CEMIP: variants seen among roughly 807,000 people sequenced by gnomAD.
CEMIP encodes the protein cell migration-inducing and hyaluronan-binding protein.
CEMIP carries 105 observed loss-of-function variants against 156.9 expected under a neutral mutation model. That is an observed-to-expected ratio of 0.67 (90% CI 0.57 to 0.79). CEMIP has a LOEUF of 0.79. CEMIP is among the 30% of genes least tolerant of loss of function. The pLI, the probability that CEMIP is intolerant of heterozygous loss-of-function variation, is 0.00. For synonymous variants in CEMIP, 676 were observed against 668.4 expected (o/e 1.01, Z -0.17); for missense variants, 1,457 against 1,769.4 (o/e 0.82, Z 3.17).
chr15:80,869,863 T>G (rs1239110832), intron 1 of CEMIP, among the ~76,000 whole-genome samples: 1 of 152,162 alleles, frequency 6.6e-6, no homozygotes, highest in Non-Finnish European at 1.5e-5. Flanking sequence ...AGAGATTGAA[T>G]GGGCTGCCAG....
chr15:80,880,978 G>A lies in CEMIP; in HGVS notation c.459G>A (p.Leu153=). 1 of 1,614,224 alleles carries A rather than the reference G, an allele frequency of 6.2e-7. No individual in the cohort carries two copies. The highest frequency in any genetic ancestry group is 1.1e-5 in the South Asian group (1 of 91,088). The change falls in exon 6 of 30, where the codon TTG becomes TTA. Residue 153 remains leucine, a synonymous_variant. Coordinates refer to ENST00000394685, the MANE Select transcript of CEMIP (RefSeq NM_001293298.2). ...TTGGTAAAGGAGGCGCTCTTGAGTTGCATGGACAGAAAAAGCTCTCCTGGA... is the reference window on the plus strand; with the variant it reads ...TTGGTAAAGGAGGCGCTCTTGAGTTACATGGACAGAAAAAGCTCTCCTGGA... The part of the protein sequence containing the change: ...IGVGKGGALE[L]HGQKKLSWTF...
Position 80,929,216 on chromosome 15 carries a change from A to C in CEMIP, c.2612+42A>C, listed in dbSNP as rs751750767. The C allele has an allele frequency of 2.5e-6, 4 of 1,612,734 alleles. No homozygotes were observed. The African/African-American group carries it at 5.3e-5, about 22-fold the overall frequency. The stretch of plus-strand genomic sequence containing the variant: ...GTAGCTCCTTATTCTGAGTGGCTTA[A>C]CCTAAGTGGCTGTGATGGAAGGGAA... On this transcript the variant is annotated intron_variant, in intron 21 of 29. Coordinates refer to ENST00000394685, the MANE Select transcript of CEMIP (RefSeq NM_001293298.2).
At chr15:80,844,694 A>G (rs1897511696) in intron 1 of CEMIP, among the ~76,000 whole-genome samples, 1 of 152,210 alleles carries the variant, frequency 6.6e-6, no homozygotes, top group Non-Finnish European at 1.5e-5. Context: ...TTCAGGGCCT[A>G]CCATCCCCAA....
rs1901713616 is a variant in CEMIP at position 80,949,247 on chromosome 15, T to C, written c.*323T>C. 2 of 405,700 alleles carry C rather than the reference T, an allele frequency of 4.9e-6. No homozygotes were observed. Among genetic ancestry groups the C allele is most frequent in the Admixed American group, 7.2e-5 (2 of 27,916 alleles). 25.1% of individuals were successfully genotyped at this position (405,700 alleles called of 1,614,324 possible). A position where few individuals can be genotyped will look rare whatever the true frequency, so the allele number is the denominator to read the frequency against. ...CCATATCAGGAGACCTGGGTTGTGC[T>C]GACAGCAAAGATCCACTTTGGCAGG... On this transcript the variant is annotated 3_prime_UTR_variant, in exon 30 of 30. Coordinates refer to ENST00000394685, the MANE Select transcript of CEMIP (RefSeq NM_001293298.2).
rs377578871 is a variant in CEMIP, at chr15:80,888,767, A to T, written c.935A>T (p.Asn312Ile). 6.2e-7 allele frequency: 1 copy of T among 1,614,124 alleles called. No individual in the cohort carries two copies. Among genetic ancestry groups the T allele is most frequent in the Non-Finnish European group, 8.5e-7 (1 of 1,179,998 alleles). ...LFQTEHGEYFNVSLSSEWVQD... is the reference protein window; with the variant it reads ...LFQTEHGEYFIVSLSSEWVQD... Reference sequence around the variant, plus strand: ...CAGACAGAGCATGGCGAATATTTCAATGTTTCTTTGTCCAGTGAGTGGGTT... The same window carrying T: ...CAGACAGAGCATGGCGAATATTTCATTGTTTCTTTGTCCAGTGAGTGGGTT... The change falls in exon 9 of 30, where the codon AAT (asparagine) becomes ATT (isoleucine). Residue 312 changes from asparagine (N) to isoleucine (I), a missense_variant. Transcript: ENST00000394685.
intron 23 of CEMIP, among the ~76,000 whole-genome samples, chr15:80,935,256 G>A (rs1901076166): frequency 6.6e-6 from 1 of 152,144 alleles, no homozygotes; most frequent in South Asian, 2.1e-4. Flanking sequence ...GTCATGTCCT[G>A]AATAATTGAA....
intron 12 of CEMIP, among the ~76,000 whole-genome samples, chr15:80,896,525 G>T (rs1899230514): frequency 6.6e-6 from 1 of 152,174 alleles, no homozygotes; most frequent in Admixed American, 6.5e-5. Flanking sequence ...GTGAATATTT[G>T]TTAGACAGTT....
chr15:80,871,209 C>T (rs955426193), intron 1 of CEMIP, among the ~76,000 whole-genome samples: 6 of 152,248 alleles, frequency 3.9e-5, no homozygotes, highest in African/African-American at 1.4e-4. Flanking sequence ...TGTCTTCAGG[C>T]ACTGGAAGCC....
At chr15:80,809,859 A>G (rs1896614204) in intron 1 of CEMIP, among the ~76,000 whole-genome samples, 3 of 152,370 alleles carry the variant, frequency 2.0e-5, no homozygotes, top group African/African-American at 4.8e-5. Flanking sequence ...ACAATTGTGC[A>G]GCAAATATTG....
chr15:80,830,600 G>A (rs1035276896), intron 1 of CEMIP, among the ~76,000 whole-genome samples: 76 of 152,346 alleles, frequency 5.0e-4, no homozygotes, highest in African/African-American at 1.8e-3. Context: ...GTTGCCGGGG[G>A]ATGAACGTCT....
chr15:80,928,992 C>T lies in CEMIP; in HGVS notation c.2457-27C>T, dbSNP rs564110808. 7 of 1,614,234 alleles carry T rather than the reference C, an allele frequency of 4.3e-6. No homozygotes were observed. The East Asian group carries it at 1.6e-4, about 36-fold the overall frequency. Reference sequence around the variant, plus strand: ...TCTGTGGGATCTTGTCTCTGGGCATCTCACCTTAAACATCTTCTCTCTACA... The same window carrying T: ...TCTGTGGGATCTTGTCTCTGGGCATTTCACCTTAAACATCTTCTCTCTACA... On this transcript the variant is annotated intron_variant, in intron 20 of 29. Transcript: ENST00000394685.
chr15:80,934,035 G>A (rs1456223882), intron 23 of CEMIP, among the ~76,000 whole-genome samples: 1 of 151,968 alleles, frequency 6.6e-6, no homozygotes, highest in African/African-American at 2.4e-5. Flanking sequence ...TTTTTTCTAA[G>A]TCTTCAAAGT....
intron 1 of CEMIP, among the ~76,000 whole-genome samples, chr15:80,856,226 A>G (rs1897849568): frequency 6.6e-6 from 1 of 152,240 alleles, no homozygotes; most frequent in Admixed American, 6.5e-5. Context: ...TCAAAACTCA[A>G]CAAGTGTGCA....
At chr15:80,908,185 A>G (rs1039332113) in intron 13 of CEMIP, among the ~76,000 whole-genome samples, 1 of 152,198 alleles carries the variant, frequency 6.6e-6, no homozygotes, top group African/African-American at 2.4e-5. Context: ...TAGTGATACT[A>G]AAGCAGAAAT....
At chr15:80,787,979 C>T (rs1895982151) in intron 1 of CEMIP, among the ~76,000 whole-genome samples, 3 of 152,182 alleles carry the variant, frequency 2.0e-5, no homozygotes, top group Admixed American at 2.0e-4. Flanking sequence ...TCTTGTCATG[C>T]CGTGAGGGAC....
chr15:80,881,967 T>TGCCC (rs1408262042), intron 6 of CEMIP, among the ~76,000 whole-genome samples: 3 of 152,162 alleles, frequency 2.0e-5, no homozygotes, highest in African/African-American at 4.8e-5. Context: ...AGGCTGGACC[T>TGCCC]GCCCTGCAGT....
intron 23 of CEMIP, 109 bp from the exon 24 acceptor site, chr15:80,936,565 A>T: frequency 1.0e-6 from 1 of 969,856 alleles, no homozygotes; most frequent in Non-Finnish European, 1.7e-6. Context: ...GGTTCTGTAA[A>T]GAGAAAGTGC....
Position 80,921,791 on chromosome 15 carries a change from C to T in CEMIP, c.2074-218C>T, listed in dbSNP as rs183970134. 7.2e-5 allele frequency among the ~76,000 whole-genome samples: 11 copies of T among 152,326 alleles called. No individual in the cohort carries two copies. In the East Asian group the frequency reaches 1.9e-3, roughly 27 times the overall value. On this transcript the variant is annotated intron_variant, in intron 16 of 29. Coordinates refer to ENST00000394685, the MANE Select transcript of CEMIP (RefSeq NM_001293298.2). The stretch of plus-strand genomic sequence containing the variant: ...TGAGCCATGTCTGATAGAGTAGGGC[C>T]CATCAAGGGCTTTAACTGTCATGGT...
rs764262729 is a variant in CEMIP at position 80,937,988 on chromosome 15, G to A, written c.3407+9G>A. 6.2e-7 allele frequency: 1 copy of A among 1,611,502 alleles called. No individual in the cohort carries two copies. Among genetic ancestry groups the A allele is most frequent in the Non-Finnish European group, 8.5e-7 (1 of 1,178,790 alleles). Reference sequence around the variant, plus strand: ...TGGGACGAGGACTCAGGGTGAGCAGGCGCCCACTTGGCTGCAGGAAAGTGG... The same window carrying A: ...TGGGACGAGGACTCAGGGTGAGCAGACGCCCACTTGGCTGCAGGAAAGTGG... On this transcript the variant is annotated intron_variant, in intron 25 of 29. Transcript: ENST00000394685.
Sources: gnomAD v4.1 joint callset for allele counts (sites outside exome capture counted in the v4.1 genomes callset) on GRCh38, gnomAD v4.1.1 for gene constraint, MANE v1.5 for transcripts, NCBI Gene and HGNC (gene_info 2026-07-23, HGNC 2026-07-21) for gene names.